PRKG1: variants seen among roughly 807,000 people sequenced by gnomAD.
PRKG1 encodes protein kinase cGMP-dependent 1.
PRKG1 carries 35 observed loss-of-function variants against 88.1 expected under a neutral mutation model. The ratio of observed to expected loss-of-function variants is 0.40; its 90% CI spans 0.30 to 0.53. The LOEUF (loss-of-function observed/expected upper bound fraction) is 0.53, where lower values mean the gene tolerates loss of function less well. Ranked by LOEUF, PRKG1 falls within the 20% of genes least tolerant of loss-of-function variation. PRKG1 has a pLI of 0.59. For missense variants in PRKG1, 540 were observed against 839.8 expected (o/e 0.64, Z 4.41); for synonymous variants, 303 against 292.5 (o/e 1.04, Z -0.37).
chr10:51,257,800 G>T (rs1452745954), intron 2 of PRKG1, among the ~76,000 whole-genome samples: 2 of 152,120 alleles, frequency 1.3e-5, no homozygotes, highest in African/African-American at 4.8e-5. Context: ...GATGAACTAG[G>T]CTCTTCCCTA....
intron 1 of PRKG1, among the ~76,000 whole-genome samples, chr10:51,005,770 G>T (rs1364390222): frequency 1.3e-5 from 2 of 152,222 alleles, no homozygotes; most frequent in East Asian, 1.9e-4. Flanking sequence ...ATTGCTGGAA[G>T]AGCTGCTCAG....
chr10:51,035,824 C>T (rs192632008), intron 1 of PRKG1, among the ~76,000 whole-genome samples: 1 of 152,026 alleles, frequency 6.6e-6, no homozygotes. Context: ...TAGCAATAAC[C>T]ATTAACATTC....
At chr10:51,975,627 A>T (rs763781190) in intron 5 of PRKG1, among the ~76,000 whole-genome samples, 4 of 152,128 alleles carry the variant, frequency 2.6e-5, no homozygotes, top group Admixed American at 6.6e-5. Context: ...TGATGAAATT[A>T]TGCAGAAGGT....
chr10:51,617,979 T>C (rs763135146), intron 3 of PRKG1, among the ~76,000 whole-genome samples: 15 of 152,362 alleles, frequency 9.8e-5, no homozygotes, highest in Middle Eastern at 6.8e-3. Flanking sequence ...TTCTGGATGT[T>C]TCTGATACGC....
intron 4 of PRKG1, among the ~76,000 whole-genome samples, chr10:51,840,828 G>T (rs1840257265): frequency 6.6e-6 from 1 of 152,084 alleles, no homozygotes; most frequent in Non-Finnish European, 1.5e-5. Context: ...TTACAGGTAT[G>T]ACCCACAACA....
At chr10:51,705,275 A>T (rs1841578929) in intron 3 of PRKG1, among the ~76,000 whole-genome samples, 1 of 152,346 alleles carries the variant, frequency 6.6e-6, no homozygotes, top group African/African-American at 2.4e-5. Flanking sequence ...TATTAGAGGT[A>T]TCAATATTCT....
intron 6 of PRKG1, among the ~76,000 whole-genome samples, chr10:52,060,188 C>T (rs1449094571): frequency 2.6e-5 from 4 of 151,728 alleles, no homozygotes; most frequent in South Asian, 4.1e-4. Context: ...GGTATCACAA[C>T]AATTGGTTAT....
chr10:51,028,484 A>C (rs1191354347), intron 1 of PRKG1, among the ~76,000 whole-genome samples: 2 of 152,176 alleles, frequency 1.3e-5, no homozygotes, highest in Non-Finnish European at 2.9e-5. Context: ...GCTCTAGAAA[A>C]GAATGAGCTT....
At chr10:51,133,421 T>C (rs1845617706) in intron 1 of PRKG1, among the ~76,000 whole-genome samples, 1 of 152,224 alleles carries the variant, frequency 6.6e-6, no homozygotes. Context: ...ACCATTGTTC[T>C]ATGTATTGTA....
chr10:51,062,036 G>C (rs1843697655), intron 1 of PRKG1, among the ~76,000 whole-genome samples: 1 of 152,182 alleles, frequency 6.6e-6, no homozygotes, highest in Non-Finnish European at 1.5e-5. Flanking sequence ...ACATAGGTGT[G>C]AAAAATTGTA....
At chr10:51,653,847 C>T (rs1290383471) in intron 3 of PRKG1, among the ~76,000 whole-genome samples, 1 of 152,190 alleles carries the variant, frequency 6.6e-6, no homozygotes, top group African/African-American at 2.4e-5. Context: ...GGATTACAGG[C>T]ATGAGCCACC....
At chr10:51,452,050 T>A (rs1839452726) in intron 2 of PRKG1, among the ~76,000 whole-genome samples, 1 of 151,966 alleles carries the variant, frequency 6.6e-6, no homozygotes, top group Non-Finnish European at 1.5e-5. Flanking sequence ...TTAACAACTT[T>A]ATTGAGATAT....
At chr10:52,155,488 C>T (rs1477290855) in intron 8 of PRKG1, among the ~76,000 whole-genome samples, 2 of 151,684 alleles carry the variant, frequency 1.3e-5, no homozygotes, top group East Asian at 3.9e-4. Flanking sequence ...CCAGGCGTGT[C>T]CTACATGCTT....
chr10:52,066,366 A>G (rs1846354596), intron 7 of PRKG1, among the ~76,000 whole-genome samples: 1 of 152,228 alleles, frequency 6.6e-6, no homozygotes, highest in South Asian at 2.1e-4. Context: ...TAATACCTCA[A>G]TGAAAAGAAG....
At chr10:52,168,312 G>A (rs1452493615) in intron 9 of PRKG1, among the ~76,000 whole-genome samples, 2 of 152,146 alleles carry the variant, frequency 1.3e-5, no homozygotes, top group African/African-American at 4.8e-5. Flanking sequence ...AGTTAAGCAA[G>A]GAGGTATGGA....
intron 6 of PRKG1, among the ~76,000 whole-genome samples, chr10:52,059,824 T>A (rs1846194728): frequency 1.3e-5 from 2 of 151,952 alleles, no homozygotes; most frequent in Non-Finnish European, 2.9e-5. Flanking sequence ...TCATGTATAT[T>A]TCTAAATACT....
chr10:51,634,530 T>C (rs1450550945), intron 3 of PRKG1, among the ~76,000 whole-genome samples: 1 of 152,146 alleles, frequency 6.6e-6, no homozygotes, highest in East Asian at 1.9e-4. Flanking sequence ...TTGAGTTCCC[T>C]TAAAGTAATT....
intron 1 of PRKG1, among the ~76,000 whole-genome samples, chr10:51,017,092 G>C (rs1298338803): frequency 1.3e-5 from 2 of 151,816 alleles, no homozygotes; most frequent in Admixed American, 6.6e-5. Context: ...CCAGTCCCCA[G>C]CCAATCCCGA....
intron 2 of PRKG1, among the ~76,000 whole-genome samples, chr10:51,241,811 T>C (rs1839159978): frequency 6.6e-6 from 1 of 151,580 alleles, no homozygotes. Flanking sequence ...CCTGAGAGGG[T>C]CATGCCTGAC....
Sources: allele counts gnomAD v4.1 joint callset (sites outside exome capture counted in the v4.1 genomes callset), GRCh38; gene constraint gnomAD v4.1.1; transcripts MANE v1.5; gene names NCBI Gene and HGNC (gene_info 2026-07-23, HGNC 2026-07-21).